ADGRV1: variants seen among roughly 807,000 people sequenced by gnomAD.
ADGRV1 encodes adhesion G protein-coupled receptor V1.
Under a neutral mutation model 596.2 loss-of-function variants are expected in ADGRV1, and 359 were observed. The ratio of observed to expected loss-of-function variants is 0.60; its 90% CI spans 0.55 to 0.66. ADGRV1 has a LOEUF of 0.66. ADGRV1 is among the 30% of genes least tolerant of loss of function. The pLI, the probability that ADGRV1 is intolerant of heterozygous loss-of-function variation, is 0.00. For synonymous variants in ADGRV1, 2,681 were observed against 2,679.2 expected, an observed-to-expected ratio of 1.00 and a Z score of -0.02; for missense variants, 7,274 against 7,575.6, an observed-to-expected ratio of 0.96 and a Z score of 1.48.
chr5:90,704,259 T>G (rs1231022441), intron 35 of ADGRV1, 130 bp from the exon 36 acceptor site: 1 of 642,728 alleles, frequency 1.6e-6, no homozygotes, highest in African/African-American at 1.9e-5. Flanking sequence ...TATTTATTTT[T>G]AAGCCACAGA....
chr5:91,044,459 A>ATT (rs1005342507), intron 85 of ADGRV1, among the ~76,000 whole-genome samples: 1 of 152,100 alleles, frequency 6.6e-6, no homozygotes, highest in Non-Finnish European at 1.5e-5. Context: ...ACTTGTGTGC[A>ATT]TTTTTTTCAG....
At position 90,823,436 on chromosome 5, in the gene ADGRV1, A is replaced by T. The variant is rs776356304; in HGVS notation, c.16208A>T (p.Asp5403Val). The change falls in exon 76 of 90, where the codon GAT (aspartate) becomes GTT (valine). Residue 5403 changes from aspartate to valine, a missense_variant. Physicochemically the swap from Asp to Val is radical, Grantham distance 152. Transcript: ENST00000405460. ...VTRQPNRAFE[D>V]VKVFWRVTLN... The stretch of plus-strand genomic sequence containing the variant: ...TTTCTTGCTCACAGGGCCTTTGAAG[A>T]TGTCAAGGTCTTTTGGCGAGTCACA... The T allele has an allele frequency of 2.5e-6, 4 of 1,613,672 alleles. No individual in the cohort carries two copies. The highest frequency in any genetic ancestry group is 1.6e-4 in the Middle Eastern group (1 of 6,062).
chr5:90,629,130 A>G, intron 8 of ADGRV1, 80 bp from the exon 9 acceptor site: 1 of 737,054 alleles, frequency 1.4e-6, no homozygotes, highest in Non-Finnish European at 2.0e-6. Flanking sequence ...TATTAAAATT[A>G]GAATAACATG....
chr5:90,944,178 G>A (rs1228318428), intron 83 of ADGRV1, among the ~76,000 whole-genome samples: 2 of 152,102 alleles, frequency 1.3e-5, no homozygotes. Flanking sequence ...AGTACATTAA[G>A]TAATCTTTTT....
At chr5:90,965,672 T>C in intron 84 of ADGRV1, 141 bp downstream of exon 84, 1 of 519,000 alleles carries the variant, frequency 1.9e-6, no homozygotes, top group Non-Finnish European at 3.5e-6. Context: ...AAATGACAAA[T>C]AAAAACACCC....
At chr5:90,645,226 A>C (rs757084489) in intron 15 of ADGRV1, among the ~76,000 whole-genome samples, 1 of 152,230 alleles carries the variant, frequency 6.6e-6, no homozygotes, top group Non-Finnish European at 1.5e-5. Context: ...CGCATGAGTC[A>C]TGGACCAAAC....
chr5:90,895,220 G>C (rs183076022), intron 83 of ADGRV1, among the ~76,000 whole-genome samples: 19 of 152,210 alleles, frequency 1.2e-4, no homozygotes, highest in South Asian at 4.1e-4. Flanking sequence ...CATGTTCACA[G>C]TGGTAAACAA....
intron 67 of ADGRV1, 75 bp downstream of exon 67, chr5:90,784,132 C>A: frequency 1.1e-6 from 1 of 917,024 alleles, no homozygotes; most frequent in Non-Finnish European, 1.6e-6. Flanking sequence ...TCTCATTGCC[C>A]AAGTATATTT....
Position 91,106,045 on chromosome 5 carries a change from A to C in ADGRV1, c.18432+3705A>C, listed in dbSNP as rs1791844087. Among the ~76,000 whole-genome samples the C allele has an allele frequency of 2.0e-5, 3 of 152,050 alleles. No individual in the cohort carries two copies. The South Asian group carries it at 6.2e-4, about 31-fold the overall frequency. On this transcript the variant is annotated intron_variant, in intron 87 of 89. Transcript: ENST00000405460. ...TAAATATGAATCTATTTATAAAATT[A>C]TAAAGTGAAGCATTTCACCTTGTTT...
intron 83 of ADGRV1, among the ~76,000 whole-genome samples, chr5:90,940,552 C>G (rs1355527968): frequency 6.6e-6 from 1 of 151,974 alleles, no homozygotes; most frequent in Non-Finnish European, 1.5e-5. Flanking sequence ...GTGTTTTGTA[C>G]CAGGTATTTT....
At chr5:90,696,760 GA>G (rs1206493539) in intron 33 of ADGRV1, among the ~76,000 whole-genome samples, 176 bp from the exon 34 acceptor site, 1 of 150,940 alleles carries the variant, frequency 6.6e-6, no homozygotes, top group Non-Finnish European at 1.5e-5. Flanking sequence ...TTTGATATGT[GA>G]AAAGATATAT....
Position 90,644,722 on chromosome 5 carries a change from A to C in ADGRV1, c.2751A>C (p.Val917=). Residue 917 remains valine (V), a synonymous_variant, in exon 15 of 90, where the codon GTA becomes GTC. Transcript: ENST00000405460. ...DAIYSAVYDV[V]RNRGNFGDVS... is the part of the protein sequence containing the mutation. The stretch of plus-strand genomic sequence containing the variant: ...ATTTCACAGCTGTTTATGATGTAGT[A>C]AGAAATCGAGGCAACTTTGGTGATG... The C allele has an allele frequency of 1.2e-6, 2 of 1,608,986 alleles. No individual in the cohort carries two copies. The highest frequency in any genetic ancestry group is 8.5e-7 in the Non-Finnish European group (1 of 1,178,338).
At chr5:90,633,224 A>C (rs867699218) in intron 9 of ADGRV1, among the ~76,000 whole-genome samples, 1 of 152,194 alleles carries the variant, frequency 6.6e-6, no homozygotes, top group South Asian at 2.1e-4. Context: ...AGGCTAGGAA[A>C]TAAGCCCTGT....
intron 64 of ADGRV1, among the ~76,000 whole-genome samples, chr5:90,780,606 A>G (rs1452082644): frequency 6.6e-6 from 1 of 152,234 alleles, no homozygotes; most frequent in Non-Finnish European, 1.5e-5. Context: ...GTAAACTACC[A>G]TCTATATTAA....
chr5:90,846,984 G>A (rs1055945254), intron 78 of ADGRV1, among the ~76,000 whole-genome samples: 7 of 152,152 alleles, frequency 4.6e-5, no homozygotes, highest in African/African-American at 1.2e-4. Flanking sequence ...GTCAATTGGT[G>A]TATTTACAAA....
Position 90,934,439 on chromosome 5 carries a change from C to G in ADGRV1, c.17857-30976C>G, listed in dbSNP as rs1461270579. 4.6e-5 allele frequency among the ~76,000 whole-genome samples: 7 copies of G among 152,144 alleles called. No homozygotes were observed. In the East Asian group the frequency reaches 1.3e-3, roughly 29 times the overall value. On this transcript the variant is annotated intron_variant, in intron 83 of 89. Transcript: ENST00000405460. ...CCCTTCTAAGTCTAATAAAATCCTG[C>G]TTTTCAGGCCCATCTTGTTTATCAG...
intron 64 of ADGRV1, chr5:90,781,190 C>T: frequency 4.1e-6 from 2 of 487,406 alleles, no homozygotes; most frequent in Non-Finnish European, 7.4e-6. Context: ...AGTTTAGTAA[C>T]TTTATATTAG....
chr5:90,575,089 T>C (rs1757027392), intron 1 of ADGRV1, among the ~76,000 whole-genome samples: 1 of 152,104 alleles, frequency 6.6e-6, no homozygotes, highest in South Asian at 2.1e-4. Flanking sequence ...TTGATTTTGT[T>C]AAGTTCTTTA....
chr5:91,136,658 A>G (rs1168520018), intron 87 of ADGRV1, among the ~76,000 whole-genome samples: 1 of 152,234 alleles, frequency 6.6e-6, no homozygotes, highest in East Asian at 1.9e-4. Context: ...TGAGATGCAT[A>G]AAAATCCATG....
Sources: gnomAD v4.1 joint callset for allele counts (sites outside exome capture counted in the v4.1 genomes callset) on GRCh38, gnomAD v4.1.1 for gene constraint, MANE v1.5 for transcripts, NCBI Gene and HGNC (gene_info 2026-07-23, HGNC 2026-07-21) for gene names.